HSPA12A: variants seen among roughly 807,000 people sequenced by gnomAD.
HSPA12A encodes heat shock 70 kDa protein 12A.
Under a neutral mutation model 69.2 loss-of-function variants are expected in HSPA12A, and 28 were observed. The ratio of observed to expected loss-of-function variants is 0.40; its 90% CI spans 0.30 to 0.55. The LOEUF (loss-of-function observed/expected upper bound fraction) is 0.55. HSPA12A is among the 20% of genes least tolerant of loss of function. HSPA12A has a pLI of 0.38. For synonymous variants in HSPA12A, 345 were observed against 370.5 expected (o/e 0.93, Z 0.79); for missense variants, 686 against 900.7 (o/e 0.76, Z 3.05).
intron 5 of HSPA12A, 186 bp downstream of exon 5, chr10:116,698,449 G>T: frequency 4.4e-6 from 2 of 452,112 alleles, no homozygotes; most frequent in Non-Finnish European, 7.9e-6. Flanking sequence ...CAAAGAGGCC[G>T]CACCATTTTA....
chr10:116,753,553 C>CA (rs1231026220), intron 2 of HSPA12A, among the ~76,000 whole-genome samples: 1 of 152,212 alleles, frequency 6.6e-6, no homozygotes, highest in Non-Finnish European at 1.5e-5. Flanking sequence ...TCCTGCCTGT[C>CA]ATAGACCTGG....
chr10:116,709,731 A>G (rs75543072), intron 1 of HSPA12A, among the ~76,000 whole-genome samples: 6,093 of 152,262 alleles, frequency 0.04, 429 homozygotes, highest in African/African-American at 0.14. Flanking sequence ...TAATGAGTAC[A>G]GAATTTCTCT....
At position 116,815,685 on chromosome 10, in the gene HSPA12A, G is replaced by A. The variant is rs182370254; in HGVS notation, c.91+19250C>T. Reference sequence around the variant, plus strand: ...TAGATTCTCTAGGATAACATGGCAGGGCCCTGACTCTGTCATTTTCCCTCG... The same window carrying A: ...TAGATTCTCTAGGATAACATGGCAGAGCCCTGACTCTGTCATTTTCCCTCG... On this transcript the variant is annotated intron_variant, in intron 2 of 12. Transcript: ENST00000635765. Among the ~76,000 whole-genome samples the A allele has an allele frequency of 3.3e-3, 504 of 152,202 alleles. 1 individual carries two copies. The highest frequency in any genetic ancestry group is 5.6e-3 in the South Asian group (27 of 4,816).
At chr10:116,850,596 G>C (rs972882055), upstream of HSPA12A, among the ~76,000 whole-genome samples, 1 of 151,972 alleles carries the variant, frequency 6.6e-6, no homozygotes, top group Admixed American at 6.6e-5. Context: ...CCAAGCAGAA[G>C]GAGTCCTATG....
chr10:116,769,544 A>G (rs965936220), intron 2 of HSPA12A, among the ~76,000 whole-genome samples: 1 of 152,004 alleles, frequency 6.6e-6, no homozygotes, highest in Non-Finnish European at 1.5e-5. Flanking sequence ...CTGGCTCTCA[A>G]TTTTACTGGA....
chr10:116,816,056 T>C (rs1845297001), intron 2 of HSPA12A, among the ~76,000 whole-genome samples: 1 of 152,160 alleles, frequency 6.6e-6, no homozygotes, highest in Non-Finnish European at 1.5e-5. Context: ...TGGGTGCTAC[T>C]TCCTCATCTT....
At chr10:116,754,044 C>A (rs1843768674) in intron 2 of HSPA12A, among the ~76,000 whole-genome samples, 1 of 152,214 alleles carries the variant, frequency 6.6e-6, no homozygotes, top group Non-Finnish European at 1.5e-5. Flanking sequence ...GAGACACGGG[C>A]CGGGCCTTCC....
chr10:116,768,442 A>G (rs1554890002), intron 2 of HSPA12A, among the ~76,000 whole-genome samples: 1 of 152,220 alleles, frequency 6.6e-6, no homozygotes, highest in Admixed American at 6.5e-5. Flanking sequence ...CTTGCACAAC[A>G]CAGTGAATAT....
intron 1 of HSPA12A, among the ~76,000 whole-genome samples, chr10:116,732,880 G>A (rs1851205287): frequency 6.6e-6 from 1 of 152,136 alleles, no homozygotes; most frequent in Non-Finnish European, 1.5e-5. Context: ...GGAGTCGGCA[G>A]ACCTCGATTC....
chr10:116,720,494 G>A (rs905939309), intron 1 of HSPA12A, among the ~76,000 whole-genome samples: 13 of 152,218 alleles, frequency 8.5e-5, no homozygotes, highest in Non-Finnish European at 1.3e-4. Flanking sequence ...CCTAGATGCT[G>A]GGAAGCTGGC....
At chr10:116,838,481 C>G (rs943331673) in intron 1 of HSPA12A, among the ~76,000 whole-genome samples, 4 of 152,194 alleles carry the variant, frequency 2.6e-5, no homozygotes, top group African/African-American at 9.7e-5. Flanking sequence ...CACACATCAT[C>G]AGTGGAATGA....
At chr10:116,749,633 C>T (rs767079472) in intron 2 of HSPA12A, among the ~76,000 whole-genome samples, 8 of 152,202 alleles carry the variant, frequency 5.3e-5, no homozygotes, top group Non-Finnish European at 1.0e-4. Context: ...AACAAATTAT[C>T]AAATTAGAAG....
At chr10:116,711,255 C>T (rs1850416861) in intron 1 of HSPA12A, among the ~76,000 whole-genome samples, 1 of 152,150 alleles carries the variant, frequency 6.6e-6, no homozygotes, top group African/African-American at 2.4e-5. Context: ...TACTCTCACC[C>T]AGGGGATAGT....
At chr10:116,755,351 T>G (rs547201974) in intron 2 of HSPA12A, among the ~76,000 whole-genome samples, 3 of 152,042 alleles carry the variant, frequency 2.0e-5, no homozygotes, top group African/African-American at 7.2e-5. Context: ...GTTGCTCACA[T>G]CTGTAATCCC....
At chr10:116,700,815 C>T (rs1850056987) in intron 4 of HSPA12A, 128 bp downstream of exon 4, 3 of 801,384 alleles carry the variant, frequency 3.7e-6, no homozygotes, top group Non-Finnish European at 6.1e-6. Flanking sequence ...TAAATGGACA[C>T]TGATTTCTGC....
intron 1 of HSPA12A, among the ~76,000 whole-genome samples, chr10:116,719,972 TA>T (rs1417271007): frequency 6.6e-6 from 1 of 152,224 alleles, no homozygotes; most frequent in East Asian, 1.9e-4. Flanking sequence ...TAAAGGGCTT[TA>T]CTGGGAGTGG....
chr10:116,849,746 C>A (rs544617643), upstream of HSPA12A: 5 of 1,497,358 alleles, frequency 3.3e-6, no homozygotes, highest in Middle Eastern at 6.8e-4. Context: ...GGACCTGGGA[C>A]AAGCGCTCTC....
At chr10:116,770,729 T>C (rs191915114) in intron 2 of HSPA12A, among the ~76,000 whole-genome samples, 79 of 152,274 alleles carry the variant, frequency 5.2e-4, no homozygotes, top group African/African-American at 1.7e-3. Context: ...ACTGTTCCCA[T>C]AAGCCCCTCC....
intron 2 of HSPA12A, among the ~76,000 whole-genome samples, chr10:116,790,079 C>T (rs2133150736): frequency 6.7e-6 from 1 of 149,652 alleles, no homozygotes; most frequent in East Asian, 2.0e-4. Flanking sequence ...TGGTATGGAC[C>T]CTGATAATCT....
Sources: allele counts gnomAD v4.1 joint callset (sites outside exome capture counted in the v4.1 genomes callset), GRCh38; gene constraint gnomAD v4.1.1; transcripts MANE v1.5; gene names NCBI Gene and HGNC (gene_info 2026-07-23, HGNC 2026-07-21).